Variants in HS6ST2 observed in about 807,000 individuals in gnomAD.
HS6ST2 encodes the protein heparan-sulfate 6-O-sulfotransferase 2.
HS6ST2 carries 17 observed loss-of-function variants against 33.0 expected under a neutral mutation model. That is an observed-to-expected ratio of 0.52 (90% CI 0.35 to 0.77). The LOEUF is 0.77. Ranked by LOEUF, HS6ST2 falls within the 30% of genes least tolerant of loss-of-function variation. The pLI, the probability that HS6ST2 is intolerant of heterozygous loss-of-function variation, is 0.01. For synonymous variants in HS6ST2, 248 were observed against 237.1 expected (o/e 1.05, Z -0.42); for missense variants, 519 against 551.7 (o/e 0.94, Z 0.59).
At chrX:132,725,317 T>C (rs2064380997) in intron 2 of HS6ST2, among the ~76,000 whole-genome samples, 1 of 112,099 alleles carries the variant, frequency 8.9e-6, no homozygotes, top group African/African-American at 3.2e-5. Context: ...CAAACAAGTT[T>C]ACAGAAAAAT....
chrX:132,787,529 T>TA (rs2065079417), intron 2 of HS6ST2, among the ~76,000 whole-genome samples: 3 of 100,709 alleles, frequency 3.0e-5, no homozygotes, highest in African/African-American at 7.1e-5. Flanking sequence ...CCTGACCTCA[T>TA]GATCCACCTG....
intron 2 of HS6ST2, among the ~76,000 whole-genome samples, chrX:132,814,197 G>A (rs1194951781): frequency 8.9e-6 from 1 of 112,058 alleles, no homozygotes; most frequent in East Asian, 2.8e-4. Flanking sequence ...ACCCGCCTCG[G>A]CCTCCCAAAG....
rs749275871 is a variant in HS6ST2 at position 132,626,306 on chromosome X, C to G, written c.*1917G>C. 11 of 112,649 alleles carry G rather than the reference C, an allele frequency of 9.8e-5. No homozygotes were observed. In the South Asian group the frequency reaches 4.1e-3, roughly 42 times the overall value. 9.3% of individuals were successfully genotyped at this position (112,649 alleles called of 1,213,427 possible). A position where few individuals can be genotyped will look rare whatever the true frequency, so the allele number is the denominator to read the frequency against. ...CATCCTGCTTTCCAACAATACCTAT[C>G]AGTTTTAAAAGCAAACATTTTCAAT... is the stretch of plus-strand genomic sequence containing the variant. On this transcript the variant is annotated 3_prime_UTR_variant, in exon 5 of 5. Transcript: ENST00000370833.
Position 132,630,572 on chromosome X carries a change from G to A in HS6ST2, c.1068-1479C>T, listed in dbSNP as rs73558171. ...AGTACCATCTCTTTTGTGAAAAAAT[G>A]TACCCCACTCTGTGTTGCCAGTTAT... On this transcript the variant is annotated intron_variant, in intron 4 of 4. Transcript: ENST00000370833. Among the ~76,000 whole-genome samples the A allele has an allele frequency of 4.3e-3, 480 of 111,580 alleles. 3 individuals carry two copies. Among genetic ancestry groups the A allele is most frequent in the African/African-American group, 0.015 (467 of 30,693 alleles).
At chrX:132,737,743 T>C in intron 2 of HS6ST2, among the ~76,000 whole-genome samples, 1 of 112,541 alleles carries the variant, frequency 8.9e-6, no homozygotes, top group East Asian at 2.8e-4. Flanking sequence ...TTTCTCTAGT[T>C]AGAACATACC....
At chrX:132,719,933 A>G (rs2064313411) in intron 2 of HS6ST2, among the ~76,000 whole-genome samples, 1 of 112,179 alleles carries the variant, frequency 8.9e-6, no homozygotes. Context: ...CTGCTGTACC[A>G]CCTAAGGTTG....
At chrX:132,948,989 T>C (rs759772650) in intron 2 of HS6ST2, among the ~76,000 whole-genome samples, 124 of 111,881 alleles carry the variant, frequency 1.1e-3, no homozygotes, top group Non-Finnish European at 1.7e-3. Flanking sequence ...CATAGAGTGG[T>C]CCCTCAGATA....
chrX:132,711,713 G>A (rs2064232486), intron 2 of HS6ST2, among the ~76,000 whole-genome samples: 3 of 111,862 alleles, frequency 2.7e-5, no homozygotes. Context: ...AAATCATAAT[G>A]GCCAAATTTA....
At chrX:132,848,496 C>T in intron 2 of HS6ST2, among the ~76,000 whole-genome samples, 1 of 112,629 alleles carries the variant, frequency 8.9e-6, no homozygotes, top group Middle Eastern at 4.6e-3. Context: ...GTGCCTTCTA[C>T]TTTCCTGGCA....
At chrX:132,751,462 C>T (rs1375926472) in intron 2 of HS6ST2, among the ~76,000 whole-genome samples, 1 of 112,170 alleles carries the variant, frequency 8.9e-6, no homozygotes, top group African/African-American at 3.2e-5. Context: ...CTCAGGGCTG[C>T]TCCTAGCTCC....
At chrX:132,695,128 C>T (rs1288785736) in intron 3 of HS6ST2, among the ~76,000 whole-genome samples, 1 of 111,177 alleles carries the variant, frequency 9.0e-6, no homozygotes, top group Non-Finnish European at 1.9e-5. Context: ...TACAATGACT[C>T]AACCAAACCC....
At chrX:132,937,178 ACT>A (rs2066833043) in intron 2 of HS6ST2, among the ~76,000 whole-genome samples, 1 of 111,619 alleles carries the variant, frequency 9.0e-6, no homozygotes, top group South Asian at 3.7e-4. Flanking sequence ...AAACAATAAA[ACT>A]CTGAAGAAAT....
intron 2 of HS6ST2, among the ~76,000 whole-genome samples, chrX:132,931,268 GCTATGTATCTCCCCAGGAGACCAAGGC>G (rs1304020055): frequency 1.8e-5 from 2 of 111,479 alleles, no homozygotes; most frequent in African/African-American, 6.5e-5. Flanking sequence ...CCAGTCAAGA[GCTATGTATCTCCCCAGGAGACCAAGGC>G]CTCCAGAATT....
intron 3 of HS6ST2, among the ~76,000 whole-genome samples, chrX:132,699,943 T>C (rs1016329605): frequency 1.8e-5 from 2 of 112,250 alleles, no homozygotes; most frequent in Admixed American, 1.9e-4. Context: ...TGGATTTATA[T>C]GTCAATATAG....
At chrX:132,894,142 G>A (rs375574356) in intron 2 of HS6ST2, among the ~76,000 whole-genome samples, 5 of 106,121 alleles carry the variant, frequency 4.7e-5, no homozygotes, top group African/African-American at 1.4e-4. Flanking sequence ...TTTTTTGTGG[G>A]GGGGGAGGTG....
chrX:132,659,418 C>A (rs950749355), intron 4 of HS6ST2, among the ~76,000 whole-genome samples: 3 of 111,723 alleles, frequency 2.7e-5, no homozygotes, highest in African/African-American at 9.8e-5. Context: ...AGGTTGCTTG[C>A]CCACAACATA....
At chrX:132,724,236 G>A (rs1381833672) in intron 2 of HS6ST2, among the ~76,000 whole-genome samples, 1 of 112,276 alleles carries the variant, frequency 8.9e-6, no homozygotes, top group African/African-American at 3.2e-5. Flanking sequence ...GTTTGCAGAT[G>A]ATATGATCTT....
At chrX:132,918,416 C>T (rs750266679) in intron 2 of HS6ST2, among the ~76,000 whole-genome samples, 1 of 112,353 alleles carries the variant, frequency 8.9e-6, no homozygotes, top group East Asian at 2.8e-4. Flanking sequence ...TGGCATAGAC[C>T]TTGAGAGGCA....
intron 2 of HS6ST2, among the ~76,000 whole-genome samples, chrX:132,825,431 T>TTA (rs752053763): frequency 3.6e-5 from 4 of 111,574 alleles, no homozygotes; most frequent in African/African-American, 1.3e-4. Context: ...ACGTCAGCAC[T>TTA]TGGGCAGCAC....
Sources: allele counts gnomAD v4.1 joint callset (sites outside exome capture counted in the v4.1 genomes callset), GRCh38; gene constraint gnomAD v4.1.1; transcripts MANE v1.5; gene names NCBI Gene and HGNC (gene_info 2026-07-23, HGNC 2026-07-21).